ARHGEF28: variants seen among roughly 807,000 people sequenced by gnomAD.
ARHGEF28 encodes Rho guanine nucleotide exchange factor 28, also known as 190 kDa guanine nucleotide exchange factor.
Under a neutral mutation model 206.6 loss-of-function variants are expected in ARHGEF28, and 152 were observed. The ratio of observed to expected loss-of-function variants is 0.74; its 90% CI spans 0.64 to 0.84. The LOEUF (loss-of-function observed/expected upper bound fraction) is 0.84. Ranked by LOEUF, ARHGEF28 falls within the 40% of genes least tolerant of loss-of-function variation. The probability of loss-of-function intolerance (pLI) is 0.00; values close to 1 mark genes in which losing one functional copy is unlikely to be tolerated. For missense variants in ARHGEF28, 2,028 were observed against 2,073.2 expected, an observed-to-expected ratio of 0.98 and a Z score of 0.42; for synonymous variants, 763 against 776.4, an observed-to-expected ratio of 0.98 and a Z score of 0.29.
intron 5 of ARHGEF28, among the ~76,000 whole-genome samples, chr5:73,774,547 A>C (rs1014669905): frequency 6.6e-6 from 1 of 152,208 alleles, no homozygotes; most frequent in African/African-American, 2.4e-5. Flanking sequence ...TTTTGAATCA[A>C]TGAATAACAG....
At chr5:73,878,214 A>G (rs1760661403) in intron 22 of ARHGEF28, among the ~76,000 whole-genome samples, 1 of 149,246 alleles carries the variant, frequency 6.7e-6, no homozygotes, top group Non-Finnish European at 1.5e-5. Context: ...TTGTTGGTTT[A>G]AAGTCTGTTT....
At chr5:73,881,844 C>T (rs1760971939) in intron 22 of ARHGEF28, among the ~76,000 whole-genome samples, 2 of 152,170 alleles carry the variant, frequency 1.3e-5, no homozygotes, top group South Asian at 2.1e-4. Flanking sequence ...TTGAAACATC[C>T]AGCCCACATC....
At chr5:73,774,371 A>G (rs1205372481) in intron 5 of ARHGEF28, among the ~76,000 whole-genome samples, 1 of 152,226 alleles carries the variant, frequency 6.6e-6, no homozygotes, top group Non-Finnish European at 1.5e-5. Flanking sequence ...ATGTTAAATA[A>G]GAGTAACATT....
In ARHGEF28 at chr5:73,909,700, G is replaced by T; in HGVS notation, c.4450G>T (p.Glu1484Ter). The change falls in exon 34 of 36, where the codon GAG becomes TAG. Residue 1484 changes from glutamate (E) to a stop codon, truncating the protein, a stop_gained. Coordinates refer to ENST00000513042, the MANE Select transcript of ARHGEF28 (RefSeq NM_001177693.2). LOFTEE classifies it high-confidence loss of function. ...ERERECQSQEELLLRSRGELD... is the reference protein window; with the variant it reads ...ERERECQSQE Reference sequence around the variant, plus strand: ...GGAGCGGGAGTGCCAGTCGCAGGAGGAGCTGCTGCTGCGGAGCCGGGGCGA... The same window carrying T: ...GGAGCGGGAGTGCCAGTCGCAGGAGTAGCTGCTGCTGCGGAGCCGGGGCGA... 1.3e-6 allele frequency: 2 copies of T among 1,532,942 alleles called. No homozygotes were observed. The highest frequency in any genetic ancestry group is 1.8e-6 in the Non-Finnish European group (2 of 1,138,486). 95.0% of individuals were successfully genotyped at this position (1,532,942 alleles called of 1,614,324 possible).
intron 10 of ARHGEF28, 79 bp from the exon 11 acceptor site, chr5:73,840,401 T>C: frequency 6.8e-7 from 1 of 1,471,250 alleles, no homozygotes; most frequent in Admixed American, 2.0e-5. Context: ...AGTTTTTAAA[T>C]TGGGAAAATT....
chr5:73,776,966 A>T (rs916627833), intron 6 of ARHGEF28, among the ~76,000 whole-genome samples: 2 of 152,022 alleles, frequency 1.3e-5, no homozygotes, highest in African/African-American at 4.8e-5. Flanking sequence ...TCATTAATTT[A>T]TTGATTGTAT....
intron 14 of ARHGEF28, among the ~76,000 whole-genome samples, chr5:73,856,377 T>C (rs1158748104): frequency 2.0e-5 from 3 of 152,178 alleles, no homozygotes; most frequent in African/African-American, 7.2e-5. Context: ...GCAAACCCAA[T>C]TTCATTTACT....
At chr5:73,747,963 A>G (rs1241342620) in intron 2 of ARHGEF28, among the ~76,000 whole-genome samples, 1 of 152,202 alleles carries the variant, frequency 6.6e-6, no homozygotes, top group Non-Finnish European at 1.5e-5. Flanking sequence ...TTTTGAATAG[A>G]TGCAGATTAG....
chr5:73,866,515 G>A (rs1174477104), intron 18 of ARHGEF28, among the ~76,000 whole-genome samples: 1 of 152,132 alleles, frequency 6.6e-6, no homozygotes, highest in Non-Finnish European at 1.5e-5. Flanking sequence ...ATCAGTTTCT[G>A]TTGTCCATTA....
chr5:73,766,965 T>C (rs976787176), intron 4 of ARHGEF28, among the ~76,000 whole-genome samples: 8 of 152,168 alleles, frequency 5.3e-5, no homozygotes, highest in Non-Finnish European at 1.0e-4. Context: ...TGAGAGAAAC[T>C]GGTGTGAGGT....
In ARHGEF28 at chr5:73,833,997, G is replaced by T. The variant is rs961601494; in HGVS notation, c.1146+1538G>T. On this transcript the variant is annotated intron_variant, in intron 10 of 35. Coordinates refer to ENST00000513042, the MANE Select transcript of ARHGEF28 (RefSeq NM_001177693.2). ...ACACAGTGCCAAACCATACCACAGG[G>T]TAATTGGACTTGGTGTGTTCTAGCC... Among the ~76,000 whole-genome samples the T allele has an allele frequency of 4.6e-5, 7 of 152,122 alleles. No homozygotes were observed. In the South Asian group the frequency reaches 8.3e-4, roughly 18 times the overall value.
chr5:73,646,833 CCTA>C (rs953345526), intron 1 of ARHGEF28, among the ~76,000 whole-genome samples: 56 of 152,290 alleles, frequency 3.7e-4, no homozygotes, highest in African/African-American at 1.1e-3. Context: ...AAGCAGTACA[CCTA>C]CTCATCTGGA....
intron 2 of ARHGEF28, among the ~76,000 whole-genome samples, chr5:73,740,509 G>C (rs573766563): frequency 6.6e-6 from 1 of 152,266 alleles, no homozygotes; most frequent in African/African-American, 2.4e-5. Flanking sequence ...GCTGAACTCT[G>C]TCCCCTGTCC....
chr5:73,712,140 G>C (rs917873202), intron 2 of ARHGEF28, among the ~76,000 whole-genome samples: 2 of 151,916 alleles, frequency 1.3e-5, no homozygotes. Flanking sequence ...GAACCCCACT[G>C]GTTGTGATGT....
chr5:73,716,743 G>A (rs570720498), intron 2 of ARHGEF28, among the ~76,000 whole-genome samples: 3 of 152,278 alleles, frequency 2.0e-5, no homozygotes, highest in African/African-American at 7.2e-5. Flanking sequence ...AATGATGAAG[G>A]CAATTTGAAG....
intron 2 of ARHGEF28, among the ~76,000 whole-genome samples, chr5:73,744,134 T>C (rs542563688): frequency 1.3e-5 from 2 of 152,270 alleles, no homozygotes; most frequent in African/African-American, 4.8e-5. Context: ...ATAGATAATA[T>C]GTATAAGTAG....
chr5:73,645,595 A>G (rs985400554), intron 1 of ARHGEF28, among the ~76,000 whole-genome samples: 4 of 152,232 alleles, frequency 2.6e-5, no homozygotes, highest in African/African-American at 9.6e-5. Context: ...CTCAGAAAAC[A>G]TGATACTGAA....
At chr5:73,788,807 G>C (rs890163626) in intron 7 of ARHGEF28, among the ~76,000 whole-genome samples, 2 of 152,110 alleles carry the variant, frequency 1.3e-5, no homozygotes, top group Admixed American at 1.3e-4. Context: ...CTTGTTTAAG[G>C]ATCAACTGTA....
chr5:73,804,505 T>C (rs1755326844), intron 9 of ARHGEF28, among the ~76,000 whole-genome samples: 1 of 152,212 alleles, frequency 6.6e-6, no homozygotes. Flanking sequence ...GATTCTATAC[T>C]TGTTGCTCCC....
Sources: allele counts gnomAD v4.1 joint callset (sites outside exome capture counted in the v4.1 genomes callset), GRCh38; gene constraint gnomAD v4.1.1; transcripts MANE v1.5; gene names NCBI Gene and HGNC (gene_info 2026-07-23, HGNC 2026-07-21).